USP48: variants seen among roughly 807,000 people sequenced by gnomAD.
The protein encoded by USP48 is ubiquitin carboxyl-terminal hydrolase 48.
Under a neutral mutation model 150.7 loss-of-function variants are expected in USP48, and 43 were observed. The observed-to-expected ratio is 0.29, with a 90% confidence interval of 0.22 to 0.37. The LOEUF is 0.37. Among genes scored for constraint, USP48 ranks in the 10% least tolerant of loss-of-function variants. USP48 has a pLI of 1.00. For missense variants in USP48, 813 were observed against 1,249.6 expected (o/e 0.65, Z 5.27); for synonymous variants, 396 against 425.9 (o/e 0.93, Z 0.86).
At chr1:21,767,200 C>T (rs962282319) in intron 1 of USP48, among the ~76,000 whole-genome samples, 1 of 152,254 alleles carries the variant, frequency 6.6e-6, no homozygotes, top group Non-Finnish European at 1.5e-5. Flanking sequence ...CAGGCATACG[C>T]CACCACACCC....
chr1:21,683,979 A>T (rs1379598622), intron 25 of USP48, among the ~76,000 whole-genome samples: 1 of 152,224 alleles, frequency 6.6e-6, no homozygotes, highest in African/African-American at 2.4e-5. Context: ...TTAATGGCTG[A>T]ATAATAGTAT....
intron 25 of USP48, chr1:21,686,933 AGTTT>A (rs2097581878): frequency 8.1e-6 from 4 of 493,064 alleles, no homozygotes; most frequent in Non-Finnish European, 1.4e-5. Flanking sequence ...AATCTGACTT[AGTTT>A]TGCTTCTTGT....
intron 15 of USP48, among the ~76,000 whole-genome samples, chr1:21,713,186 C>T (rs780450618): frequency 6.6e-6 from 1 of 151,900 alleles, no homozygotes. Context: ...CTCACTGCAG[C>T]CTCGACCTCC....
In USP48 at chr1:21,690,206, A is replaced by G. The variant is rs563542143; in HGVS notation, c.2884-107T>C. On this transcript the variant is annotated intron_variant, in intron 23 of 26. Transcript: ENST00000308271. ...TTCTTAAAAAAAAAAAAAAGGCTTCAGAGTACAAAACCACTATTGTTTACA... is the reference window on the plus strand; with the variant it reads ...TTCTTAAAAAAAAAAAAAAGGCTTCGGAGTACAAAACCACTATTGTTTACA... 10 of 1,299,688 alleles carry G rather than the reference A, an allele frequency of 7.7e-6. No individual in the cohort carries two copies. In the African/African-American group the frequency reaches 1.2e-4, roughly 16 times the overall value. The allele number at this position is 1,299,688 out of a possible 1,614,324, so 80.5% of individuals were successfully genotyped here.
intron 8 of USP48, among the ~76,000 whole-genome samples, chr1:21,744,510 T>C (rs182562148): frequency 5.5e-4 from 83 of 150,344 alleles, no homozygotes; most frequent in Non-Finnish European, 1.0e-3. Flanking sequence ...GTGCGGTGGG[T>C]CACGCCTGTA....
chr1:21,679,453 C>A lies in USP48; in HGVS notation c.3086-14G>T. On this transcript the variant is annotated splice_polypyrimidine_tract_variant and intron_variant, in intron 26 of 26. Transcript: ENST00000308271. Reference sequence around the variant, plus strand: ...GAAGACCAGTACCTGGGAAAAGAAACACACGTGGAGGGATAGTTGTGAACT... The same window carrying A: ...GAAGACCAGTACCTGGGAAAAGAAAAACACGTGGAGGGATAGTTGTGAACT... 6.2e-7 allele frequency: 1 copy of A among 1,613,946 alleles called. No individual in the cohort carries two copies. Among genetic ancestry groups the A allele is most frequent in the East Asian group, 2.2e-5 (1 of 44,880 alleles).
intron 22 of USP48, 45 bp downstream of exon 22, chr1:21,701,453 A>C (rs2097656782): frequency 1.3e-6 from 2 of 1,554,134 alleles, no homozygotes; most frequent in African/African-American, 2.7e-5. Context: ...CTGCTCTATA[A>C]GAACAGCAGA....
intron 14 of USP48, among the ~76,000 whole-genome samples, chr1:21,716,878 A>G (rs1168945508): frequency 6.6e-6 from 1 of 152,058 alleles, no homozygotes; most frequent in Non-Finnish European, 1.5e-5. Flanking sequence ...AATACAAAAA[A>G]TTAGCCAGGC....
chr1:21,781,090 T>G (rs2097913281), intron 1 of USP48, among the ~76,000 whole-genome samples: 1 of 150,792 alleles, frequency 6.6e-6, no homozygotes, highest in Non-Finnish European at 1.5e-5. Context: ...TTTTTTAAAT[T>G]TATCCAGCGT....
intron 1 of USP48, among the ~76,000 whole-genome samples, chr1:21,772,272 A>G (rs537897461): frequency 2.6e-5 from 4 of 152,148 alleles, no homozygotes; most frequent in African/African-American, 9.7e-5. Flanking sequence ...ACCAAAAGGA[A>G]AAAAAGCCCA....
intron 1 of USP48, among the ~76,000 whole-genome samples, chr1:21,771,813 G>C (rs2097881628): frequency 2.0e-5 from 3 of 151,996 alleles, no homozygotes; most frequent in Admixed American, 2.0e-4. Context: ...CAGCTGTCAG[G>C]GGGATGAGAC....
chr1:21,772,580 G>A (rs1470791873), intron 1 of USP48, among the ~76,000 whole-genome samples: 1 of 148,504 alleles, frequency 6.7e-6, no homozygotes, highest in Non-Finnish European at 1.5e-5. Flanking sequence ...CCGAGATCGC[G>A]CCACTGCACT....
chr1:21,705,704 T>A, intron 19 of USP48, 23 bp downstream of exon 19: 3 of 1,511,126 alleles, frequency 2.0e-6, no homozygotes, highest in Non-Finnish European at 2.7e-6. Flanking sequence ...GAAAAAAAAA[T>A]CACATGAAGA....
At chr1:21,778,925 G>GCATC (rs1374505299) in intron 1 of USP48, among the ~76,000 whole-genome samples, 1 of 151,910 alleles carries the variant, frequency 6.6e-6, no homozygotes, top group Non-Finnish European at 1.5e-5. Context: ...GGGACTACAG[G>GCATC]CATCCGCCAC....
intron 12 of USP48, 47 bp from the exon 13 acceptor site, chr1:21,721,811 C>T (rs1488033476): frequency 5.2e-6 from 7 of 1,356,280 alleles, no homozygotes; most frequent in African/African-American, 4.4e-5. Context: ...TTCAAACAGA[C>T]TTCCTGTTAG....
chr1:21,687,157 A>G (rs767769080), intron 25 of USP48, 34 bp downstream of exon 25: 1 of 1,603,852 alleles, frequency 6.2e-7, no homozygotes, highest in Non-Finnish European at 8.5e-7. Context: ...TCTAAAACCT[A>G]ATCAGCAGAT....
Position 21,783,067 on chromosome 1 carries a change from T to G in USP48, c.-110A>C. ...CCTGCCAGCAAGGAGGACCTGGCGC[T>G]CCTTCAGGCAGCTGGCCAGTCAATC... On this transcript the variant is annotated 5_prime_UTR_variant, in exon 1 of 27. Transcript: ENST00000308271. 7.3e-7 allele frequency: 1 copy of G among 1,372,224 alleles called. No homozygotes were observed. Among genetic ancestry groups the G allele is most frequent in the Non-Finnish European group, 9.4e-7 (1 of 1,064,910 alleles). The allele number at this position is 1,372,224 out of a possible 1,614,324, so 85.0% of individuals were successfully genotyped here. A position where few individuals can be genotyped will look rare whatever the true frequency, so the allele number is the denominator to read the frequency against.
chr1:21,744,831 T>TG (rs1276484011), intron 8 of USP48, among the ~76,000 whole-genome samples: 1 of 138,360 alleles, frequency 7.2e-6, no homozygotes, highest in Non-Finnish European at 1.6e-5. Flanking sequence ...CCAAGGAATA[T>TG]GGCAAGACTT....
intron 8 of USP48, among the ~76,000 whole-genome samples, chr1:21,744,559 T>C (rs1430715243): frequency 6.6e-6 from 1 of 151,586 alleles, no homozygotes; most frequent in Non-Finnish European, 1.5e-5. Flanking sequence ...GCAGATCACT[T>C]GAGGTCAGGA....
Sources: gnomAD v4.1 joint callset for allele counts (sites outside exome capture counted in the v4.1 genomes callset) on GRCh38, gnomAD v4.1.1 for gene constraint, MANE v1.5 for transcripts, NCBI Gene and HGNC (gene_info 2026-07-23, HGNC 2026-07-21) for gene names.